Variants in RPE observed in about 807,000 individuals in gnomAD.
RPE encodes ribulose-5-phosphate-3-epimerase.
A neutral mutation model predicts 24.6 loss-of-function variants in RPE; 16 were observed. The observed-to-expected ratio is 0.65, with a 90% CI of 0.44 to 0.99. RPE has a LOEUF of 0.99. Among genes scored for constraint, RPE ranks in the 50% least tolerant of loss-of-function variants. The pLI, the probability that RPE is intolerant of heterozygous loss-of-function variation, is 0.00. For missense variants in RPE, 240 were observed against 294.5 expected (o/e 0.81, Z 1.35); for synonymous variants, 93 against 98.4 (o/e 0.94, Z 0.33).
chr2:210,005,464 T>TG (rs1317131274), intron 1 of RPE, among the ~76,000 whole-genome samples: 1 of 151,966 alleles, frequency 6.6e-6, no homozygotes, highest in Non-Finnish European at 1.5e-5. Context: ...GTGGATTCTC[T>TG]GGGGGAAAAA....
chr2:210,011,036 A>G (rs988003112), intron 2 of RPE, among the ~76,000 whole-genome samples: 1 of 152,222 alleles, frequency 6.6e-6, no homozygotes, highest in African/African-American at 2.4e-5. Context: ...GCTATGGGAC[A>G]TTTCCAATAT....
intron 2 of RPE, among the ~76,000 whole-genome samples, chr2:210,011,773 G>A (rs1365729667): frequency 6.6e-6 from 1 of 150,544 alleles, no homozygotes; most frequent in Non-Finnish European, 1.5e-5. Flanking sequence ...CTGGGCTCAA[G>A]CAATCCTCCC....
chr2:210,010,581 G>A (rs1025034803), intron 2 of RPE, among the ~76,000 whole-genome samples: 2 of 152,078 alleles, frequency 1.3e-5, no homozygotes, highest in African/African-American at 4.8e-5. Flanking sequence ...TTTTTTTAAC[G>A]TAGCTTACAA....
chr2:210,005,642 AAC>A (rs1054595028), intron 1 of RPE, among the ~76,000 whole-genome samples: 9 of 152,060 alleles, frequency 5.9e-5, no homozygotes, highest in African/African-American at 2.2e-4. Context: ...GAAAAAAAAA[AAC>A]AGTTCAAAGA....
Position 210,015,956 on chromosome 2 carries a change from G to A in RPE, c.203-17G>A. On this transcript the variant is annotated splice_polypyrimidine_tract_variant and intron_variant, in intron 2 of 5. Coordinates refer to ENST00000359429, the MANE Select transcript of RPE (RefSeq NM_199229.3). ...AGGTATTTTTCAGTAATATTTTGAA[G>A]TGTCTTTTCTTTCTAGACATGCACA... 3.7e-6 allele frequency: 6 copies of A among 1,610,746 alleles called. No homozygotes were observed. Among genetic ancestry groups the A allele is most frequent in the Non-Finnish European group, 5.1e-6 (6 of 1,178,882 alleles).
At position 210,017,543 on chromosome 2, in the gene RPE, T is replaced by C. The variant is rs368588776; in HGVS notation, c.548T>C (p.Val183Ala). ...GATGGTGGAGTAGGTCCTGACACTG[T>C]CCATAAATGTGCAGAGGTGAGATTG... is the stretch of plus-strand genomic sequence containing the variant. ...EVDGGVGPDTVHKCAEAGANM... is the reference protein window; with the variant it reads ...EVDGGVGPDTAHKCAEAGANM... Residue 183 changes from valine (V) to alanine (A), a missense_variant, in exon 5 of 6, where the codon GTC (valine) becomes GCC (alanine). By Grantham distance (64) the Val-to-Ala change is moderately conservative. Transcript: ENST00000359429. The C allele has an allele frequency of 6.2e-7, 1 of 1,613,750 alleles. No homozygotes were observed. The highest frequency in any genetic ancestry group is 8.5e-7 in the Non-Finnish European group (1 of 1,179,950).
chr2:210,017,101 G>T (rs1199246428), intron 4 of RPE, among the ~76,000 whole-genome samples: 1 of 152,142 alleles, frequency 6.6e-6, no homozygotes, highest in Non-Finnish European at 1.5e-5. Flanking sequence ...ACCTTGGTCT[G>T]CCAAAGTGTT....
Position 210,019,889 on chromosome 2 carries a change from G to A in RPE, c.*98G>A. 1 of 1,413,950 alleles carries A rather than the reference G, an allele frequency of 7.1e-7. No homozygotes were observed. Among genetic ancestry groups the A allele is most frequent in the South Asian group, 1.5e-5 (1 of 67,320 alleles). The allele number at this position is 1,413,950 out of a possible 1,614,324, so 87.6% of individuals were successfully genotyped here. The stretch of plus-strand genomic sequence containing the variant: ...ATCACAATGCAATTGAAGCCGTACT[G>A]CTTTTTTGAGCAGTTATTCATTCCA... On this transcript the variant is annotated 3_prime_UTR_variant, in exon 6 of 6. Coordinates refer to ENST00000359429, the MANE Select transcript of RPE (RefSeq NM_199229.3).
Position 210,002,761 on chromosome 2 carries a change from C to G in RPE, c.100C>G (p.Leu34Val). The change falls in exon 1 of 6, where the codon CTG becomes GTG. Residue 34 changes from leucine to valine, a missense_variant. Leu to Val is a conservative substitution (Grantham distance 32). Coordinates refer to ENST00000359429, the MANE Select transcript of RPE (RefSeq NM_199229.3). ...LRMLDSGADY[L>V]HLDVMDGHFV... is the part of the protein sequence containing the mutation. The stretch of plus-strand genomic sequence containing the variant: ...GATGCTAGACTCTGGGGCCGATTAT[C>G]TGCACCTGGACGTAATGGACGGGTA... 1 of 1,614,210 alleles carries G rather than the reference C, an allele frequency of 6.2e-7. No individual in the cohort carries two copies. Among genetic ancestry groups the G allele is most frequent in the Non-Finnish European group, 8.5e-7 (1 of 1,180,028 alleles).
chr2:210,013,160 C>A (rs367949846), intron 2 of RPE, among the ~76,000 whole-genome samples: 67 of 152,064 alleles, frequency 4.4e-4, no homozygotes, highest in African/African-American at 1.5e-3. Flanking sequence ...GGGATGTAAC[C>A]CCATTGTAAG....
At chr2:210,014,586 A>C (rs774814666) in intron 2 of RPE, among the ~76,000 whole-genome samples, 22 of 152,086 alleles carry the variant, frequency 1.4e-4, no homozygotes, top group Non-Finnish European at 2.6e-4. Context: ...TGTGGCCAGA[A>C]GTTCGAGACC....
intron 1 of RPE, among the ~76,000 whole-genome samples, chr2:210,005,790 CCTAA>C (rs1230473952): frequency 6.6e-6 from 1 of 152,124 alleles, no homozygotes; most frequent in Non-Finnish European, 1.5e-5. Context: ...TTTGATGTTA[CCTAA>C]CTCTCAGCAG....
rs770234514 is a variant in RPE, at chr2:210,016,010, A to G, written c.240A>G (p.Val80=). ...HMMVSKPEQW[V]KPMAVAGANQ... is the part of the protein sequence containing the mutation. ...TGGTGTCCAAGCCAGAACAGTGGGT[A>G]AAGCCAATGGCTGTAGCAGGAGCCA... The change falls in exon 3 of 6, where the codon GTA becomes GTG. Residue 80 remains valine (V), a synonymous_variant. Coordinates refer to ENST00000359429, the MANE Select transcript of RPE (RefSeq NM_199229.3). 3.7e-6 allele frequency: 6 copies of G among 1,614,098 alleles called. 1 individual carries two copies. The South Asian group carries it at 5.5e-5, about 15-fold the overall frequency.
In RPE at chr2:210,021,549, T is replaced by C. The variant is rs1015184616; in HGVS notation, c.*1758T>C. On this transcript the variant is annotated 3_prime_UTR_variant, in exon 6 of 6. Transcript: ENST00000359429. ...CTTTTGTTTTCTTTTTCTTTAAAAA[T>C]AAATGTACAGTAAAACTACAAGCAA... The C allele has an allele frequency of 6.6e-6, 1 of 152,538 alleles. No homozygotes were observed. Among genetic ancestry groups the C allele is most frequent in the Admixed American group, 6.5e-5 (1 of 15,270 alleles). 9.4% of individuals were successfully genotyped at this position (152,538 alleles called of 1,614,324 possible).
chr2:210,021,983 T>C lies in RPE; in HGVS notation c.*2192T>C, dbSNP rs922182637. 4.0e-5 allele frequency: 6 copies of C among 151,092 alleles called. No homozygotes were observed. The highest frequency in any genetic ancestry group is 7.4e-5 in the Non-Finnish European group (5 of 67,812). 9.4% of individuals were successfully genotyped at this position (151,092 alleles called of 1,614,324 possible). On this transcript the variant is annotated 3_prime_UTR_variant, in exon 6 of 6. Coordinates refer to ENST00000359429, the MANE Select transcript of RPE (RefSeq NM_199229.3). Reference sequence around the variant, plus strand: ...CAGCCAGAATTAACTAATTTCTTGCTAATCTAGAAATACAATCATCTTTTT... The same window carrying C: ...CAGCCAGAATTAACTAATTTCTTGCCAATCTAGAAATACAATCATCTTTTT...
Position 210,002,650 on chromosome 2 carries a change from G to A in RPE, c.-12G>A, listed in dbSNP as rs1469113469. On this transcript the variant is annotated 5_prime_UTR_variant, in exon 1 of 6. Coordinates refer to ENST00000359429, the MANE Select transcript of RPE (RefSeq NM_199229.3). ...GGGACTCGTGGGTAACTTGCTTTTGGGAGCCAGCGGTATGGCGTCGGGCTG... is the reference window on the plus strand; with the variant it reads ...GGGACTCGTGGGTAACTTGCTTTTGAGAGCCAGCGGTATGGCGTCGGGCTG... The A allele has an allele frequency of 1.9e-6, 3 of 1,610,928 alleles. No individual in the cohort carries two copies. The highest frequency in any genetic ancestry group is 2.5e-6 in the Non-Finnish European group (3 of 1,177,532).
intron 1 of RPE, among the ~76,000 whole-genome samples, chr2:210,008,961 A>G: frequency 6.6e-6 from 1 of 152,042 alleles, no homozygotes; most frequent in Non-Finnish European, 1.5e-5. Context: ...CTCCCAAAGT[A>G]TTGGGGTTAC....
chr2:210,022,130 T>C lies in RPE; in HGVS notation c.*2339T>C, dbSNP rs923840298. The C allele has an allele frequency of 6.6e-6, 1 of 151,870 alleles. No individual in the cohort carries two copies. The highest frequency in any genetic ancestry group is 6.6e-5 in the Admixed American group (1 of 15,224). The allele number at this position is 151,870 out of a possible 1,614,324, so 9.4% of individuals were successfully genotyped here. A position where few individuals can be genotyped will look rare whatever the true frequency, so the allele number is the denominator to read the frequency against. ...TCAAATTGAGTTTTCAAAGATGTGA[T>C]AGTATTAAAGTGCACCAATATTTGA... On this transcript the variant is annotated 3_prime_UTR_variant, in exon 6 of 6. Transcript: ENST00000359429.
At chr2:210,017,427 A>G in intron 4 of RPE, 46 bp from the exon 5 acceptor site, 1 of 1,020,632 alleles carries the variant, frequency 9.8e-7, no homozygotes, top group Non-Finnish European at 1.4e-6. Flanking sequence ...ACCCCCACCA[A>G]CATACCCACT....
Sources: gnomAD v4.1 joint callset for allele counts (sites outside exome capture counted in the v4.1 genomes callset) on GRCh38, gnomAD v4.1.1 for gene constraint, MANE v1.5 for transcripts, NCBI Gene and HGNC (gene_info 2026-07-23, HGNC 2026-07-21) for gene names.